The following MIR2052HG variants were observed in gnomAD, a reference collection of about 807,000 sequenced individuals.
MIR2052HG encodes the protein MIR2052 host gene.
At chr8:74,624,948 G>A (rs780906403) in intron 2 of MIR2052HG, among the ~76,000 whole-genome samples, 2 of 152,192 alleles carry the variant, frequency 1.3e-5, no homozygotes, top group Non-Finnish European at 2.9e-5. Context: ...ACAGAGCACA[G>A]ATGAGTACAG....
At chr8:74,674,153 TG>T (rs1809025876) in intron 2 of MIR2052HG, among the ~76,000 whole-genome samples, 1 of 149,618 alleles carries the variant, frequency 6.7e-6, no homozygotes, top group African/African-American at 2.5e-5. Flanking sequence ...TGTGTGTGTG[TG>T]TGTGTGTGTG....
intron 5 of MIR2052HG, among the ~76,000 whole-genome samples, chr8:74,753,370 G>A (rs894134351): frequency 6.6e-6 from 1 of 152,142 alleles, no homozygotes; most frequent in African/African-American, 2.4e-5. Flanking sequence ...ATGCGTAACA[G>A]TGACCTTCAT....
Position 74,707,173 on chromosome 8 carries a change from G to T in MIR2052HG, n.371+3491G>T, listed in dbSNP as rs78331986. Among the ~76,000 whole-genome samples the T allele has an allele frequency of 4.0e-3, 610 of 152,218 alleles. 5 individuals are homozygous for T. Among genetic ancestry groups the T allele is most frequent in the African/African-American group, 0.014 (575 of 41,554 alleles). ...TGTAGATATCTGTCGTCACCTGAAAGCTCTTACCATCTGATCTAAATATGT... is the reference window on the plus strand; with the variant it reads ...TGTAGATATCTGTCGTCACCTGAAATCTCTTACCATCTGATCTAAATATGT... On this transcript the variant is annotated intron_variant and non_coding_transcript_variant, in intron 4 of 6. Transcript: ENST00000523442.
intron 2 of MIR2052HG, among the ~76,000 whole-genome samples, chr8:74,667,293 C>G (rs1563527276): frequency 6.6e-6 from 1 of 151,980 alleles, no homozygotes; most frequent in Admixed American, 6.5e-5. Context: ...GCAGTAAGGG[C>G]AAGAATTCCC....
chr8:74,659,489 G>T (rs915968054), intron 2 of MIR2052HG, among the ~76,000 whole-genome samples: 10 of 152,042 alleles, frequency 6.6e-5, no homozygotes, highest in Non-Finnish European at 1.3e-4. Flanking sequence ...TGCTGAAGCT[G>T]GAGGGCAATA....
At chr8:74,745,626 G>A (rs1809877049) in intron 4 of MIR2052HG, among the ~76,000 whole-genome samples, 1 of 151,956 alleles carries the variant, frequency 6.6e-6, no homozygotes, top group Non-Finnish European at 1.5e-5. Flanking sequence ...AAAATAAAAC[G>A]CATGGTCCAG....
chr8:74,681,402 A>T (rs1294917611), intron 2 of MIR2052HG, among the ~76,000 whole-genome samples: 2 of 152,172 alleles, frequency 1.3e-5, no homozygotes, highest in Admixed American at 6.6e-5. Flanking sequence ...AACAAAAGGT[A>T]GATTTACTCT....
At chr8:74,647,612 A>G (rs548973222) in intron 2 of MIR2052HG, among the ~76,000 whole-genome samples, 46 of 152,356 alleles carry the variant, frequency 3.0e-4, no homozygotes, top group African/African-American at 1.1e-3. Flanking sequence ...ATTGGAAATC[A>G]TATAGCCTTT....
intron 2 of MIR2052HG, among the ~76,000 whole-genome samples, chr8:74,613,430 G>A (rs921832944): frequency 4.3e-4 from 65 of 152,306 alleles, no homozygotes; most frequent in African/African-American, 1.5e-3. Flanking sequence ...ATCTGCATGA[G>A]GCACTAAACT....
At chr8:74,744,940 T>C (rs1270255370) in intron 4 of MIR2052HG, among the ~76,000 whole-genome samples, 2 of 152,170 alleles carry the variant, frequency 1.3e-5, no homozygotes, top group Admixed American at 6.6e-5. Context: ...TGGAAACTAC[T>C]TTTCTTCAGG....
At chr8:74,660,810 A>G (rs73687198) in intron 2 of MIR2052HG, among the ~76,000 whole-genome samples, 1,790 of 100,888 alleles carry the variant, frequency 0.018, 32 homozygotes, top group African/African-American at 0.077. Context: ...GCCCTGAAAT[A>G]TTCCATAAAA....
chr8:74,618,002 T>G (rs1264598891), intron 2 of MIR2052HG, among the ~76,000 whole-genome samples: 1 of 152,236 alleles, frequency 6.6e-6, no homozygotes, highest in Non-Finnish European at 1.5e-5. Flanking sequence ...CTGTTTCTTC[T>G]CAGTCTCATT....
At position 74,622,076 on chromosome 8, in the gene MIR2052HG, C is replaced by A. The variant is rs189237629; in HGVS notation, n.216+9136C>A. 3.9e-5 allele frequency among the ~76,000 whole-genome samples: 6 copies of A among 152,096 alleles called. No homozygotes were observed. In the East Asian group the frequency reaches 1.2e-3, roughly 29 times the overall value. ...CGGGATTATATCAATCCAAAAAGCACCTGCACCGCAAAGAAAGCAATCAAC... is the reference window on the plus strand; with the variant it reads ...CGGGATTATATCAATCCAAAAAGCAACTGCACCGCAAAGAAAGCAATCAAC... On this transcript the variant is annotated intron_variant and non_coding_transcript_variant, in intron 2 of 6. Transcript: ENST00000523442.
chr8:74,657,510 C>T lies in MIR2052HG; in HGVS notation n.216+44570C>T, dbSNP rs183901957. 3.5e-4 allele frequency among the ~76,000 whole-genome samples: 54 copies of T among 152,266 alleles called. No individual in the cohort carries two copies. The Middle Eastern group carries it at 0.01, about 29-fold the overall frequency. The stretch of plus-strand genomic sequence containing the variant: ...ATTAGAAATGCCAAATCTCCAGACC[C>T]ATCCTAGACCCACTGTTTTAATCCG... On this transcript the variant is annotated intron_variant and non_coding_transcript_variant, in intron 2 of 6. Transcript: ENST00000523442.
chr8:74,723,468 G>T (rs1809599900), intron 4 of MIR2052HG, among the ~76,000 whole-genome samples: 1 of 152,260 alleles, frequency 6.6e-6, no homozygotes. Flanking sequence ...AATTTGGCTG[G>T]TGTTTCACTA....
At chr8:74,746,859 A>G (rs2128756311) in intron 4 of MIR2052HG, among the ~76,000 whole-genome samples, 1 of 152,280 alleles carries the variant, frequency 6.6e-6, no homozygotes, top group East Asian at 1.9e-4. Flanking sequence ...GCCAACTCTG[A>G]TATTAGTTGA....
At chr8:74,611,127 CAA>C (rs1808188591) in intron 1 of MIR2052HG, among the ~76,000 whole-genome samples, 1 of 151,788 alleles carries the variant, frequency 6.6e-6, no homozygotes, top group African/African-American at 2.4e-5. Context: ...TTTCAAAACT[CAA>C]TAATAAAAAT....
At position 74,732,826 on chromosome 8, in the gene MIR2052HG, A is replaced by G. The variant is rs78090887; in HGVS notation, n.372-19615A>G. Among the ~76,000 whole-genome samples, 12 of 152,272 alleles carry G rather than the reference A, an allele frequency of 7.9e-5. No individual in the cohort carries two copies. In the East Asian group the frequency reaches 2.3e-3, roughly 29 times the overall value. On this transcript the variant is annotated intron_variant and non_coding_transcript_variant, in intron 4 of 6. Transcript: ENST00000523442. ...AACAGCCCATTCAAGGATACCTAAG[A>G]AAACCACTGATGAATGGGCAGAAGA...
chr8:74,728,297 G>C (rs1377079840), intron 4 of MIR2052HG, among the ~76,000 whole-genome samples: 1 of 152,154 alleles, frequency 6.6e-6, no homozygotes, highest in East Asian at 1.9e-4. Context: ...AAGCTGATTT[G>C]GTCTTCTTTC....
Sources: allele counts gnomAD v4.1 joint callset (sites outside exome capture counted in the v4.1 genomes callset), GRCh38; gene constraint gnomAD v4.1.1; transcripts MANE v1.5; gene names NCBI Gene and HGNC (gene_info 2026-07-23, HGNC 2026-07-21).